The following MSRA variants were observed in gnomAD, a reference collection of about 807,000 sequenced individuals.
MSRA encodes the protein methionine sulfoxide reductase A, also known as mitochondrial peptide methionine sulfoxide reductase.
MSRA carries 54 observed loss-of-function variants against 31.3 expected under a neutral mutation model. The ratio of observed to expected loss-of-function variants is 1.73; its 90% CI spans 1.39 to 2.17. The LOEUF (loss-of-function observed/expected upper bound fraction) is 2.17. MSRA is among the 30% of genes most tolerant of loss of function. The probability of loss-of-function intolerance (pLI) is 0.00; values close to 1 mark genes in which losing one functional copy is unlikely to be tolerated. For missense variants in MSRA, 507 were observed against 300.9 expected, an observed-to-expected ratio of 1.69 and a Z score of -5.07; for synonymous variants, 169 against 116.5, an observed-to-expected ratio of 1.45 and a Z score of -2.90.
intron 3 of MSRA, among the ~76,000 whole-genome samples, chr8:10,272,654 A>G (rs1476015196): frequency 6.6e-6 from 1 of 152,164 alleles, no homozygotes; most frequent in Non-Finnish European, 1.5e-5. Context: ...CATAAAATTA[A>G]CCCTCACTCT....
intron 4 of MSRA, among the ~76,000 whole-genome samples, chr8:10,316,861 T>C (rs140456290): frequency 6.6e-6 from 1 of 152,228 alleles, no homozygotes; most frequent in Non-Finnish European, 1.5e-5. Flanking sequence ...CGGGACACCA[T>C]GGCATGTTTT....
chr8:10,268,518 T>C (rs1204536605), intron 3 of MSRA, among the ~76,000 whole-genome samples: 1 of 152,242 alleles, frequency 6.6e-6, no homozygotes, highest in African/African-American at 2.4e-5. Context: ...CACTAATGAT[T>C]TGTTTCCCAT....
At chr8:10,081,964 G>C (rs1798316569) in intron 1 of MSRA, among the ~76,000 whole-genome samples, 1 of 152,080 alleles carries the variant, frequency 6.6e-6, no homozygotes. Flanking sequence ...GCGCTGTGAG[G>C]GCCAAGGCAA....
Position 10,364,833 on chromosome 8 carries a change from G to A in MSRA, c.543+44844G>A, listed in dbSNP as rs565445933. On this transcript the variant is annotated intron_variant, in intron 5 of 5. Coordinates refer to ENST00000317173, the MANE Select transcript of MSRA (RefSeq NM_012331.5). Reference sequence around the variant, plus strand: ...TCCGACTTTGTTTTGGGAAATCCCCGGATGTAGAAACATTGGAGTTGTCAA... The same window carrying A: ...TCCGACTTTGTTTTGGGAAATCCCCAGATGTAGAAACATTGGAGTTGTCAA... Among the ~76,000 whole-genome samples the A allele has an allele frequency of 1.4e-4, 22 of 152,242 alleles. No individual in the cohort carries two copies. The East Asian group carries it at 4.2e-3, about 29-fold the overall frequency.
intron 3 of MSRA, among the ~76,000 whole-genome samples, chr8:10,287,612 G>C (rs60595937): frequency 5.3e-5 from 8 of 152,246 alleles, no homozygotes; most frequent in Non-Finnish European, 1.0e-4. Flanking sequence ...CTCATGCGTT[G>C]GACTTACTAT....
intron 1 of MSRA, among the ~76,000 whole-genome samples, chr8:10,131,857 C>G (rs1039897144): frequency 2.0e-5 from 3 of 152,304 alleles, no homozygotes; most frequent in African/African-American, 7.2e-5. Flanking sequence ...ATCCCCAAAT[C>G]TCCTCTTAAG....
chr8:10,103,708 T>C (rs1399539654), intron 1 of MSRA, among the ~76,000 whole-genome samples: 1 of 152,218 alleles, frequency 6.6e-6, no homozygotes, highest in Admixed American at 6.5e-5. Context: ...TTTATATATA[T>C]ATATATTTAA....
chr8:10,095,452 A>T (rs917774064), intron 1 of MSRA: 36 of 984,982 alleles, frequency 3.7e-5, no homozygotes, highest in Non-Finnish European at 4.2e-5. Flanking sequence ...GTATTAATTG[A>T]TCCGCAAAGG....
chr8:10,342,450 T>C (rs1253140879), intron 5 of MSRA, among the ~76,000 whole-genome samples: 2 of 152,186 alleles, frequency 1.3e-5, no homozygotes, highest in Non-Finnish European at 1.5e-5. Context: ...AAATATATCT[T>C]AGCATGATGA....
At chr8:10,391,129 A>G (rs780591692) in intron 5 of MSRA, among the ~76,000 whole-genome samples, 1 of 152,250 alleles carries the variant, frequency 6.6e-6, no homozygotes, top group African/African-American at 2.4e-5. Context: ...TTCTCACTCT[A>G]TTGGAAGAAC....
intron 1 of MSRA, among the ~76,000 whole-genome samples, chr8:10,089,916 G>GCC (rs1036881215): frequency 6.6e-6 from 1 of 152,170 alleles, no homozygotes. Flanking sequence ...TGTGGGATAT[G>GCC]CCCCCAGGAG....
intron 4 of MSRA, 23 bp from the exon 5 acceptor site, chr8:10,319,860 C>G: frequency 2.1e-6 from 3 of 1,455,398 alleles, no homozygotes; most frequent in East Asian, 2.5e-5. Flanking sequence ...CCGGGTAACC[C>G]TCCCTGTTTT....
chr8:10,316,558 C>CTCTG (rs1801733356), intron 4 of MSRA, among the ~76,000 whole-genome samples: 1 of 108,688 alleles, frequency 9.2e-6, no homozygotes, highest in Non-Finnish European at 2.0e-5. Flanking sequence ...CTCTCTCTCT[C>CTCTG]TCTCTCTCTC....
At chr8:10,194,357 A>G (rs1047855184) in intron 1 of MSRA, among the ~76,000 whole-genome samples, 2 of 152,166 alleles carry the variant, frequency 1.3e-5, no homozygotes, top group Non-Finnish European at 2.9e-5. Flanking sequence ...ACTTGAGGTC[A>G]GGAGTTTGAG....
chr8:10,273,884 C>A (rs908532368), intron 3 of MSRA, among the ~76,000 whole-genome samples: 1 of 152,074 alleles, frequency 6.6e-6, no homozygotes, highest in African/African-American at 2.4e-5. Context: ...TTGGCACCTT[C>A]CTATCTGCGG....
intron 5 of MSRA, among the ~76,000 whole-genome samples, chr8:10,371,873 G>T (rs1230260075): frequency 6.6e-6 from 1 of 152,168 alleles, no homozygotes; most frequent in African/African-American, 2.4e-5. Context: ...ACTTGCTGAA[G>T]GTTTGCCCAA....
chr8:10,307,732 T>C (rs1447727226), intron 4 of MSRA, among the ~76,000 whole-genome samples: 2 of 152,220 alleles, frequency 1.3e-5, no homozygotes, highest in African/African-American at 4.8e-5. Flanking sequence ...GACTGTGGTC[T>C]GGAAACTGCT....
chr8:10,088,981 G>C (rs565023841), intron 1 of MSRA, among the ~76,000 whole-genome samples: 1 of 152,160 alleles, frequency 6.6e-6, no homozygotes, highest in South Asian at 2.1e-4. Flanking sequence ...GTTTCCATGG[G>C]TTGCGGGTGG....
chr8:10,373,292 C>T (rs73195322), intron 5 of MSRA, among the ~76,000 whole-genome samples: 4 of 152,230 alleles, frequency 2.6e-5, no homozygotes, highest in African/African-American at 7.2e-5. Flanking sequence ...CAACCAAGGA[C>T]TGAAAGATTA....
Sources: allele counts gnomAD v4.1 joint callset (sites outside exome capture counted in the v4.1 genomes callset), GRCh38; gene constraint gnomAD v4.1.1; transcripts MANE v1.5; gene names NCBI Gene and HGNC (gene_info 2026-07-23, HGNC 2026-07-21).